RCC2: variants seen among roughly 807,000 people sequenced by gnomAD.
The protein encoded by RCC2 is regulator of chromosome condensation 2.
RCC2 carries 19 observed loss-of-function variants against 64.1 expected under a neutral mutation model. That is an observed-to-expected ratio of 0.30 (90% CI 0.21 to 0.44). The LOEUF (loss-of-function observed/expected upper bound fraction) is 0.44. Ranked by LOEUF, RCC2 falls within the 20% of genes least tolerant of loss-of-function variation. The pLI is 1.00. For missense variants in RCC2, 508 were observed against 710.4 expected (o/e 0.72, Z 3.24); for synonymous variants, 325 against 279.6 (o/e 1.16, Z -1.62).
In RCC2 at chr1:17,414,739, C is replaced by T. The variant is rs182140921; in HGVS notation, c.1027-1022G>A. Among the ~76,000 whole-genome samples the T allele has an allele frequency of 2.6e-5, 4 of 152,174 alleles. No individual in the cohort carries two copies. In the East Asian group the frequency reaches 7.8e-4, roughly 29 times the overall value. On this transcript the variant is annotated intron_variant, in intron 8 of 12. Coordinates refer to ENST00000375436, the MANE Select transcript of RCC2 (RefSeq NM_018715.4). ...CTCCACCTCCTGGGCTCAAGCGATT[C>T]TCCTACCTCAGCCTCCCAAGTCGCT...
chr1:17,409,771 C>T (rs930432628), intron 12 of RCC2, among the ~76,000 whole-genome samples: 5 of 152,242 alleles, frequency 3.3e-5, no homozygotes, highest in Non-Finnish European at 7.3e-5. Context: ...AGGACAGCCA[C>T]CCAGCCTGGC....
At chr1:17,413,013 G>T in intron 10 of RCC2, 60 bp downstream of exon 10, 1 of 1,287,176 alleles carries the variant, frequency 7.8e-7, no homozygotes, top group Non-Finnish European at 1.1e-6. Context: ...CCCCATGGGT[G>T]TGTCTGACAC....
chr1:17,438,438 C>T lies in RCC2; in HGVS notation c.77G>A (p.Arg26Lys), dbSNP rs1371101263. 7.0e-6 allele frequency: 9 copies of T among 1,288,710 alleles called. No homozygotes were observed. Among genetic ancestry groups the T allele is most frequent in the African/African-American group, 1.5e-5 (1 of 64,930 alleles). The allele number at this position is 1,288,710 out of a possible 1,614,324, so 79.8% of individuals were successfully genotyped here. A position where few individuals can be genotyped will look rare whatever the true frequency, so the allele number is the denominator to read the frequency against. ...CCTGCCCGCCGGGCCGCCGCGTTTC[C>T]TGGGCCCGGCGCGGGCAGTGCCGTT... Reference protein sequence around the residue: ...SGNGTARAGPRKRGGPAGRKR... With the variant: ...SGNGTARAGPKKRGGPAGRKR... The change falls in exon 2 of 13, where the codon AGG becomes AAG. Residue 26 changes from arginine (R) to lysine (K), a missense_variant. Arg to Lys is a conservative substitution (Grantham distance 26, BLOSUM62 2). Coordinates refer to ENST00000375436, the MANE Select transcript of RCC2 (RefSeq NM_018715.4).
Position 17,407,192 on chromosome 1 carries a change from C to G in RCC2, c.*1898G>C, listed in dbSNP as rs772631308. On this transcript the variant is annotated 3_prime_UTR_variant, in exon 13 of 13. Coordinates refer to ENST00000375436, the MANE Select transcript of RCC2 (RefSeq NM_018715.4). ...GGCTGCCACGTTTACATGAGGCCACCGAAGATCTAAGTCCAGCTAAGCCCA... is the reference window on the plus strand; with the variant it reads ...GGCTGCCACGTTTACATGAGGCCACGGAAGATCTAAGTCCAGCTAAGCCCA... 6.6e-6 allele frequency: 1 copy of G among 152,086 alleles called. No homozygotes were observed. The highest frequency in any genetic ancestry group is 1.5e-5 in the Non-Finnish European group (1 of 68,036). The allele number at this position is 152,086 out of a possible 1,614,324, so 9.4% of individuals were successfully genotyped here. A position where few individuals can be genotyped will look rare whatever the true frequency, so the allele number is the denominator to read the frequency against.
Position 17,416,592 on chromosome 1 carries a change from CAG to C in RCC2, c.912_913del (p.Asp304GlufsTer2). ...GGCCACTCGCCGGGGAACTAGTTCA[CAG>C]TCGTACTCTATCCGCTGTGCCCGGG... On this transcript the variant is annotated frameshift_variant, in exon 8 of 13. Transcript: ENST00000375436. LOFTEE classifies it high-confidence loss of function. 4 of 1,614,054 alleles carry C rather than the reference CAG, an allele frequency of 2.5e-6. No individual in the cohort carries two copies. The highest frequency in any genetic ancestry group is 3.4e-6 in the Non-Finnish European group (4 of 1,180,044).
At chr1:17,424,484 C>T (rs1459309251) in intron 4 of RCC2, among the ~76,000 whole-genome samples, 1 of 152,144 alleles carries the variant, frequency 6.6e-6, no homozygotes, top group Non-Finnish European at 1.5e-5. Flanking sequence ...TCTATGCCAA[C>T]CGGGAGAAAA....
At chr1:17,427,143 G>C (rs6688886) in intron 3 of RCC2, among the ~76,000 whole-genome samples, 1 of 152,012 alleles carries the variant, frequency 6.6e-6, no homozygotes, top group Non-Finnish European at 1.5e-5. Flanking sequence ...CTGCCAAATC[G>C]AGTGTGTAAG....
intron 4 of RCC2, among the ~76,000 whole-genome samples, chr1:17,423,763 G>A (rs1385126569): frequency 6.6e-6 from 1 of 152,246 alleles, no homozygotes; most frequent in Non-Finnish European, 1.5e-5. Context: ...TCTTACAGTG[G>A]TGAGAAGTCA....
At chr1:17,429,079 T>C (rs1458797164) in intron 3 of RCC2, 27 bp downstream of exon 3, 1 of 1,566,816 alleles carries the variant, frequency 6.4e-7, no homozygotes, top group South Asian at 1.1e-5. Flanking sequence ...AAGCACTCAA[T>C]GGGTTTTTGA....
At chr1:17,416,757 CTGGGCCTTA>C in intron 7 of RCC2, 111 bp from the exon 8 acceptor site, 1 of 1,151,872 alleles carries the variant, frequency 8.7e-7, no homozygotes, top group Admixed American at 2.8e-5. Context: ...TCTGGCCCTT[CTGGGCCTTA>C]GACCAGCACA....
In RCC2 at chr1:17,407,384, T is replaced by TA. The variant is rs1396696235; in HGVS notation, c.*1705dup. ...CGGATCAGGCTGTCGCATGGAAGCT[T>TA]ACGTCAGAGATGGTGGTTTTGGGGT... On this transcript the variant is annotated 3_prime_UTR_variant, in exon 13 of 13. Transcript: ENST00000375436. 3 of 152,274 alleles carry TA rather than the reference T, an allele frequency of 2.0e-5. No individual in the cohort carries two copies. The highest frequency in any genetic ancestry group is 7.2e-5 in the African/African-American group (3 of 41,460). The allele number at this position is 152,274 out of a possible 1,614,324, so 9.4% of individuals were successfully genotyped here.
At chr1:17,418,613 C>T (rs1275696859) in intron 7 of RCC2, among the ~76,000 whole-genome samples, 1 of 152,016 alleles carries the variant, frequency 6.6e-6, no homozygotes, top group Admixed American at 6.5e-5. Flanking sequence ...CCCGAGATCG[C>T]GCCACTGCAC....
intron 2 of RCC2, among the ~76,000 whole-genome samples, chr1:17,438,023 G>C (rs1415616997): frequency 1.4e-5 from 2 of 146,162 alleles, no homozygotes; most frequent in Non-Finnish European, 3.0e-5. Context: ...GCCCGGGGTC[G>C]GGTAGGCCGC....
intron 12 of RCC2, 114 bp downstream of exon 12, chr1:17,409,860 A>G: frequency 1.1e-6 from 1 of 895,482 alleles, no homozygotes; most frequent in Non-Finnish European, 1.9e-6. Flanking sequence ...CAGGAAAGCC[A>G]GCTGAGATGG....
In RCC2 at chr1:17,407,513, C is replaced by A; in HGVS notation, c.*1577G>T. The A allele has an allele frequency of 6.6e-6, 1 of 152,670 alleles. No homozygotes were observed. 9.5% of individuals were successfully genotyped at this position (152,670 alleles called of 1,614,324 possible). A position where few individuals can be genotyped will look rare whatever the true frequency, so the allele number is the denominator to read the frequency against. On this transcript the variant is annotated 3_prime_UTR_variant, in exon 13 of 13. Coordinates refer to ENST00000375436, the MANE Select transcript of RCC2 (RefSeq NM_018715.4). ...AACAAGAGATGCGCGTGGCGTCAGA[C>A]TAAGTCTTAGAGAGATGCAGGCCAG...
chr1:17,409,037 T>C lies in RCC2; in HGVS notation c.*53A>G, dbSNP rs1053684044. 1 of 1,317,720 alleles carries C rather than the reference T, an allele frequency of 7.6e-7. No individual in the cohort carries two copies. The highest frequency in any genetic ancestry group is 2.3e-5 in the East Asian group (1 of 43,496). 81.6% of individuals were successfully genotyped at this position (1,317,720 alleles called of 1,614,324 possible). A position where few individuals can be genotyped will look rare whatever the true frequency, so the allele number is the denominator to read the frequency against. ...GTTTGACTTCCCGTCCCAGTGCACA[T>C]GGAAATGACAGCTGCCGCGAGAGGT... On this transcript the variant is annotated 3_prime_UTR_variant, in exon 13 of 13. Transcript: ENST00000375436.
chr1:17,426,755 T>TTTTC (rs1231362115), intron 3 of RCC2, among the ~76,000 whole-genome samples: 4 of 118,922 alleles, frequency 3.4e-5, no homozygotes, highest in South Asian at 6.1e-4. Context: ...AATTTCTTAC[T>TTTTC]TTTCTTTTTT....
intron 7 of RCC2, among the ~76,000 whole-genome samples, chr1:17,418,034 C>T (rs929475015): frequency 7.8e-6 from 1 of 128,600 alleles, no homozygotes; most frequent in Non-Finnish European, 1.7e-5. Context: ...AATACTATGC[C>T]ATTTTATATA....
At chr1:17,419,939 C>A (rs2075533780) in intron 7 of RCC2, among the ~76,000 whole-genome samples, 1 of 152,248 alleles carries the variant, frequency 6.6e-6, no homozygotes, top group South Asian at 2.1e-4. Flanking sequence ...AGTCACTGTT[C>A]CCCGAGGCTA....
Sources: allele counts gnomAD v4.1 joint callset (sites outside exome capture counted in the v4.1 genomes callset), GRCh38; gene constraint gnomAD v4.1.1; transcripts MANE v1.5; gene names NCBI Gene and HGNC (gene_info 2026-07-23, HGNC 2026-07-21).